Variants in PTPRM observed in about 807,000 individuals in gnomAD.
PTPRM encodes protein tyrosine phosphatase receptor type M, also known as receptor-type tyrosine-protein phosphatase mu.
Under a neutral mutation model 186.7 loss-of-function variants are expected in PTPRM, and 47 were observed. The ratio of observed to expected loss-of-function variants is 0.25; its 90% CI spans 0.20 to 0.32. PTPRM has a LOEUF of 0.32. PTPRM is among the 10% of genes least tolerant of loss of function. The pLI, the probability that PTPRM is intolerant of heterozygous loss-of-function variation, is 1.00. For missense variants in PTPRM, 1,494 were observed against 1,865.0 expected, an observed-to-expected ratio of 0.80 and a Z score of 3.66; for synonymous variants, 668 against 674.9, an observed-to-expected ratio of 0.99 and a Z score of 0.16.
At chr18:7,933,646 A>T (rs901533852) in intron 5 of PTPRM, among the ~76,000 whole-genome samples, 6 of 152,212 alleles carry the variant, frequency 3.9e-5, no homozygotes, top group Admixed American at 3.3e-4. Context: ...CTACTAATGC[A>T]TGGGGCTTAC....
chr18:8,364,300 C>T (rs371613364), intron 23 of PTPRM, among the ~76,000 whole-genome samples: 1 of 152,132 alleles, frequency 6.6e-6, no homozygotes, highest in South Asian at 2.1e-4. Context: ...CATGAGAAAA[C>T]AGGCTCGGGG....
chr18:8,326,017 G>A (rs1260994197), intron 22 of PTPRM, among the ~76,000 whole-genome samples: 2 of 152,078 alleles, frequency 1.3e-5, no homozygotes, highest in South Asian at 2.1e-4. Flanking sequence ...ATTTTTAATG[G>A]GGTTATTTGG....
intron 14 of PTPRM, among the ~76,000 whole-genome samples, chr18:8,188,491 G>A (rs1024854854): frequency 1.3e-5 from 2 of 152,144 alleles, no homozygotes; most frequent in African/African-American, 4.8e-5. Context: ...CCGAGAAAAT[G>A]TCCAGCTGAA....
At chr18:8,086,658 G>A (rs570176305) in intron 10 of PTPRM, among the ~76,000 whole-genome samples, 19 of 152,192 alleles carry the variant, frequency 1.2e-4, no homozygotes, top group African/African-American at 4.3e-4. Flanking sequence ...GCCATGGTTA[G>A]GTCAATAATA....
At chr18:7,836,589 A>C (rs1305460136) in intron 2 of PTPRM, among the ~76,000 whole-genome samples, 1 of 152,186 alleles carries the variant, frequency 6.6e-6, no homozygotes. Flanking sequence ...TACTATTACA[A>C]GTGAGCTTCA....
intron 14 of PTPRM, chr18:8,155,218 T>C (rs1449307507): frequency 4.6e-5 from 7 of 152,230 alleles, no homozygotes; most frequent in African/African-American, 1.4e-4. Flanking sequence ...TGTATCTCAA[T>C]AACATGTTTG....
At chr18:7,795,813 T>TC (rs201316287) in intron 2 of PTPRM, among the ~76,000 whole-genome samples, 1,850 of 145,710 alleles carry the variant, frequency 0.013, 28 homozygotes, top group African/African-American at 0.045. Flanking sequence ...TTTCTTTCTT[T>TC]TTTTTTTTTT....
intron 1 of PTPRM, among the ~76,000 whole-genome samples, chr18:7,722,109 A>G (rs141288813): frequency 6.5e-4 from 99 of 152,334 alleles, no homozygotes; most frequent in African/African-American, 2.1e-3. Context: ...TATCATACAT[A>G]AAACAAGTTT....
At chr18:7,671,513 G>C (rs994044144) in intron 1 of PTPRM, among the ~76,000 whole-genome samples, 8 of 152,102 alleles carry the variant, frequency 5.3e-5, no homozygotes, top group Admixed American at 2.0e-4. Context: ...CTGAAATTAG[G>C]TTTGTTTTAA....
At position 7,817,322 on chromosome 18, in the gene PTPRM, A is replaced by C. The variant is rs912069368; in HGVS notation, c.196+43051A>C. 3.3e-5 allele frequency among the ~76,000 whole-genome samples: 5 copies of C among 152,204 alleles called. No homozygotes were observed. In the East Asian group the frequency reaches 9.6e-4, roughly 29 times the overall value. ...CTATGAGTGATAATGATATATTGCT[A>C]TAACGGGTATCAGTAGATCATATTG... On this transcript the variant is annotated intron_variant, in intron 2 of 32. Transcript: ENST00000580170.
At chr18:8,285,172 G>T (rs562568922) in intron 19 of PTPRM, among the ~76,000 whole-genome samples, 1 of 152,260 alleles carries the variant, frequency 6.6e-6, no homozygotes, top group East Asian at 1.9e-4. Context: ...AGCCAACATG[G>T]TTTTTTCCAC....
chr18:7,722,234 T>G (rs1287151115), intron 1 of PTPRM, among the ~76,000 whole-genome samples: 4 of 152,220 alleles, frequency 2.6e-5, no homozygotes, highest in Non-Finnish European at 4.4e-5. Context: ...GAATGTCATA[T>G]TGTTGGAATC....
intron 1 of PTPRM, among the ~76,000 whole-genome samples, chr18:7,697,439 C>A (rs1316973267): frequency 6.6e-6 from 1 of 152,068 alleles, no homozygotes; most frequent in Non-Finnish European, 1.5e-5. Context: ...AATTGAGGAC[C>A]CACTGTTCAG....
intron 1 of PTPRM, among the ~76,000 whole-genome samples, chr18:7,669,422 T>C (rs1327078613): frequency 6.6e-6 from 1 of 152,178 alleles, no homozygotes; most frequent in Non-Finnish European, 1.5e-5. Flanking sequence ...TACAGGTGTC[T>C]GTCCATTTGC....
rs541939613 is a variant in PTPRM at position 7,656,265 on chromosome 18, T to TA, written c.73+88375dup. ...ATTCAGCTTTAAAAGGGACACGTGT[T>TA]ACAACACAAATGAACCTTGAGGACG... On this transcript the variant is annotated intron_variant, in intron 1 of 32. Coordinates refer to ENST00000580170, the MANE Select transcript of PTPRM (RefSeq NM_001105244.2). Among the ~76,000 whole-genome samples, 9 of 152,350 alleles carry TA rather than the reference T, an allele frequency of 5.9e-5. No homozygotes were observed. In the South Asian group the frequency reaches 1.2e-3, roughly 21 times the overall value.
chr18:8,267,639 G>T (rs541585638), intron 19 of PTPRM, among the ~76,000 whole-genome samples: 7 of 152,164 alleles, frequency 4.6e-5, no homozygotes, highest in Admixed American at 1.3e-4. Context: ...TTCTAAAGAT[G>T]TATTTCAAGA....
At chr18:8,238,338 C>G (rs12960329) in intron 14 of PTPRM, among the ~76,000 whole-genome samples, 1 of 151,798 alleles carries the variant, frequency 6.6e-6, no homozygotes, top group South Asian at 2.1e-4. Context: ...GAGGTTTTTA[C>G]TGAGATAATC....
Position 7,860,401 on chromosome 18 carries a change from T to A in PTPRM, c.197-27705T>A, listed in dbSNP as rs529940054. 3.3e-5 allele frequency among the ~76,000 whole-genome samples: 5 copies of A among 152,192 alleles called. No individual in the cohort carries two copies. The East Asian group carries it at 7.7e-4, about 24-fold the overall frequency. Reference sequence around the variant, plus strand: ...CAGTTTTTTAAGTTTTTCTTTTAGTTTGGGAGAGATAAAATGGATTCAGAT... The same window carrying A: ...CAGTTTTTTAAGTTTTTCTTTTAGTATGGGAGAGATAAAATGGATTCAGAT... On this transcript the variant is annotated intron_variant, in intron 2 of 32. Coordinates refer to ENST00000580170, the MANE Select transcript of PTPRM (RefSeq NM_001105244.2).
intron 7 of PTPRM, among the ~76,000 whole-genome samples, chr18:8,045,056 T>G (rs2086949409): frequency 6.6e-6 from 1 of 152,166 alleles, no homozygotes; most frequent in South Asian, 2.1e-4. Flanking sequence ...CACACAAAAC[T>G]TGTATGTAAG....
Sources: gnomAD v4.1 joint callset for allele counts (sites outside exome capture counted in the v4.1 genomes callset) on GRCh38, gnomAD v4.1.1 for gene constraint, MANE v1.5 for transcripts, NCBI Gene and HGNC (gene_info 2026-07-23, HGNC 2026-07-21) for gene names.